Variants in FREM1 observed in about 807,000 individuals in gnomAD.
The protein encoded by FREM1 is FRAS1 related extracellular matrix 1, also known as FRAS1-related extracellular matrix protein 1.
FREM1 carries 220 observed loss-of-function variants against 210.1 expected under a neutral mutation model. That is an observed-to-expected ratio of 1.05 (90% confidence interval 0.94 to 1.17). The LOEUF is 1.17. FREM1 is among the 50% of genes most tolerant of loss of function. The probability of loss-of-function intolerance (pLI) is 0.00; values close to 1 mark genes in which losing one functional copy is unlikely to be tolerated. For missense variants in FREM1, 3,454 were observed against 2,675.5 expected (o/e 1.29, Z -6.42); for synonymous variants, 1,189 against 980.2 (o/e 1.21, Z -3.98).
At chr9:14,765,017 T>C (rs932293386) in intron 27 of FREM1, among the ~76,000 whole-genome samples, 1 of 152,202 alleles carries the variant, frequency 6.6e-6, no homozygotes, top group African/African-American at 2.4e-5. Flanking sequence ...TGAACCTTCA[T>C]GAATTCTCAT....
chr9:14,830,159 G>A (rs1334239413), intron 10 of FREM1, among the ~76,000 whole-genome samples: 1 of 152,178 alleles, frequency 6.6e-6, no homozygotes, highest in Non-Finnish European at 1.5e-5. Context: ...AGAGCTAGCA[G>A]AAATCAAAGA....
chr9:14,828,373 G>A (rs1822876487), intron 10 of FREM1, among the ~76,000 whole-genome samples: 1 of 152,116 alleles, frequency 6.6e-6, no homozygotes, highest in Non-Finnish European at 1.5e-5. Flanking sequence ...CTTGGAAGAG[G>A]AATGTCTATC....
At chr9:14,841,657 G>T in intron 9 of FREM1, 68 bp from the exon 10 acceptor site, 1 of 1,241,666 alleles carries the variant, frequency 8.1e-7, no homozygotes, top group South Asian at 2.1e-5. Flanking sequence ...CAATGATATT[G>T]GACTTATCTT....
In FREM1 at chr9:14,868,847, C is replaced by G. The variant is rs1263588820; in HGVS notation, c.131G>C (p.Gly44Ala). The change falls in exon 2 of 37, where the codon GGA becomes GCA. Residue 44 changes from glycine (G) to alanine (A), a missense_variant. Coordinates refer to ENST00000380880, the MANE Select transcript of FREM1 (RefSeq NM_001379081.2). The stretch of plus-strand genomic sequence containing the variant: ...AGGGATGGCAAACTTCAGGTCATCT[C>G]CTGACAGGAAGGCAGAGTGGCCCTT... Reference protein sequence around the residue: ...VMKGHSAFLSGDDLKFAIPKE... With the variant: ...VMKGHSAFLSADDLKFAIPKE... 1 of 1,611,360 alleles carries G rather than the reference C, an allele frequency of 6.2e-7. No individual in the cohort carries two copies. Among genetic ancestry groups the G allele is most frequent in the Non-Finnish European group, 8.5e-7 (1 of 1,178,738 alleles).
At chr9:14,794,401 C>T (rs1851972380) in intron 21 of FREM1, among the ~76,000 whole-genome samples, 1 of 152,138 alleles carries the variant, frequency 6.6e-6, no homozygotes. Context: ...TAAGGGCTGT[C>T]CCCAGAGTGC....
rs759764830 is a variant in FREM1, at chr9:14,857,592, T to C, written c.789A>G (p.Gln263=). ...TGCTCCTGGTATCTGTGAGGTCCAG[T>C]TGGATGGAGATATAATCAATGTTGG... ...PSPNIDYISI[Q]LDLTDTRSKI... Residue 263 remains glutamine (Q), a synonymous_variant, in exon 5 of 37, where the codon CAA becomes CAG. Transcript: ENST00000380880. 3.1e-6 allele frequency: 5 copies of C among 1,613,660 alleles called. No individual in the cohort carries two copies. The highest frequency in any genetic ancestry group is 1.3e-5 in the African/African-American group (1 of 74,880).
chr9:14,801,875 C>A lies in FREM1; in HGVS notation c.3472-1G>T. On this transcript the variant is annotated splice_acceptor_variant, in intron 19 of 36. Coordinates refer to ENST00000380880, the MANE Select transcript of FREM1 (RefSeq NM_001379081.2). LOFTEE classifies it high-confidence loss of function. The stretch of plus-strand genomic sequence containing the variant: ...GCTCTTTCATCTGACCCTCACACAC[C>A]TGAGCAAGAACACATGAGAAAAGTC... 1.2e-6 allele frequency: 2 copies of A among 1,605,586 alleles called. No individual in the cohort carries two copies. Among genetic ancestry groups the A allele is most frequent in the Non-Finnish European group, 1.7e-6 (2 of 1,174,606 alleles).
At chr9:14,825,380 C>A (rs1041905106) in intron 10 of FREM1, among the ~76,000 whole-genome samples, 1 of 149,386 alleles carries the variant, frequency 6.7e-6, no homozygotes, top group Non-Finnish European at 1.5e-5. Flanking sequence ...CCCAGCTACT[C>A]GGCAGGCTGA....
chr9:14,799,032 A>T (rs1853000285), intron 20 of FREM1, among the ~76,000 whole-genome samples: 1 of 151,722 alleles, frequency 6.6e-6, no homozygotes, highest in South Asian at 2.1e-4. Flanking sequence ...TAATACCAGC[A>T]CTTTGGAAGG....
intron 17 of FREM1, 36 bp from the exon 18 acceptor site, chr9:14,806,882 T>A (rs1818470047): frequency 1.0e-5 from 14 of 1,390,870 alleles, no homozygotes; most frequent in East Asian, 2.4e-5. Context: ...CAACTTAGCA[T>A]GAAATCCTCT....
At chr9:14,871,054 T>C (rs1038896942) in intron 1 of FREM1, among the ~76,000 whole-genome samples, 4 of 152,186 alleles carry the variant, frequency 2.6e-5, no homozygotes, top group African/African-American at 9.7e-5. Context: ...CAGTCTATCA[T>C]GGCTGGACAT....
At chr9:14,885,420 G>T (rs1016325945) in intron 1 of FREM1, among the ~76,000 whole-genome samples, 16 of 151,838 alleles carry the variant, frequency 1.1e-4, no homozygotes, top group African/African-American at 3.6e-4. Context: ...TGTACAACAT[G>T]ATTTTTGTTT....
intron 10 of FREM1, among the ~76,000 whole-genome samples, chr9:14,832,409 G>T (rs1432482821): frequency 6.6e-6 from 1 of 152,180 alleles, no homozygotes; most frequent in Non-Finnish European, 1.5e-5. Context: ...ACGCAGAAGA[G>T]AATTTTGGAG....
chr9:14,768,852 C>T (rs1846976036), intron 27 of FREM1, among the ~76,000 whole-genome samples: 1 of 152,142 alleles, frequency 6.6e-6, no homozygotes, highest in South Asian at 2.1e-4. Flanking sequence ...AGCTGTATCA[C>T]TTATGATGCT....
chr9:14,788,657 T>C (rs1563929294), intron 23 of FREM1, among the ~76,000 whole-genome samples: 1 of 152,208 alleles, frequency 6.6e-6, no homozygotes, highest in Non-Finnish European at 1.5e-5. Flanking sequence ...GTAGCCTGTA[T>C]AGCCATATTG....
rs745465527 is a variant in FREM1 at position 14,884,915 on chromosome 9, C to CTTTTT, written c.-267-15676_-267-15672dup. ...TCAAGATATCAATAATTCATCATAG[C>CTTTTT]TTTTTTTTTTTTTTTTTTTTTTTTT... On this transcript the variant is annotated intron_variant, in intron 1 of 36. Coordinates refer to ENST00000380880, the MANE Select transcript of FREM1 (RefSeq NM_001379081.2). Among the ~76,000 whole-genome samples, 309 of 70,410 alleles carry CTTTTT rather than the reference C, an allele frequency of 4.4e-3. 63 individuals are homozygous for CTTTTT. Among genetic ancestry groups the CTTTTT allele is most frequent in the Admixed American group, 0.015 (72 of 4,874 alleles). 46.2% of individuals were successfully genotyped at this position (70,410 alleles called of 152,430 possible). A position where few individuals can be genotyped will look rare whatever the true frequency, so the allele number is the denominator to read the frequency against.
At chr9:14,800,011 T>C (rs924809531) in intron 20 of FREM1, among the ~76,000 whole-genome samples, 1 of 142,914 alleles carries the variant, frequency 7.0e-6, no homozygotes, top group African/African-American at 2.6e-5. Context: ...TGTGTTCTCA[T>C]TGTTCAATTC....
At chr9:14,785,787 T>C (rs1850333539) in intron 23 of FREM1, among the ~76,000 whole-genome samples, 1 of 152,180 alleles carries the variant, frequency 6.6e-6, no homozygotes, top group Non-Finnish European at 1.5e-5. Context: ...GGAGTCATTA[T>C]TTAATGGGTA....
At position 14,860,816 on chromosome 9, in the gene FREM1, C is replaced by CATATAT. The variant is rs1554707531; in HGVS notation, c.330-1333_330-1332insATATAT. 6.4e-3 allele frequency among the ~76,000 whole-genome samples: 460 copies of CATATAT among 72,154 alleles called. 27 individuals are homozygous for CATATAT. The highest frequency in any genetic ancestry group is 0.022 in the Middle Eastern group (1 of 46). The allele number at this position is 72,154 out of a possible 152,430, so 47.3% of individuals were successfully genotyped here. A position where few individuals can be genotyped will look rare whatever the true frequency, so the allele number is the denominator to read the frequency against. ...ATATATACACATATATACATATATA[C>CATATAT]ACATATATACATATATACGTATATA... On this transcript the variant is annotated intron_variant, in intron 3 of 36. Coordinates refer to ENST00000380880, the MANE Select transcript of FREM1 (RefSeq NM_001379081.2).
Sources: gnomAD v4.1 joint callset for allele counts (sites outside exome capture counted in the v4.1 genomes callset) on GRCh38, gnomAD v4.1.1 for gene constraint, MANE v1.5 for transcripts, NCBI Gene and HGNC (gene_info 2026-07-23, HGNC 2026-07-21) for gene names.